The following PLCL1 variants were observed in gnomAD, a reference collection of about 807,000 sequenced individuals.
The protein encoded by PLCL1 is phospholipase C like 1 (inactive), also known as inactive phospholipase C-like protein 1.
PLCL1 carries 41 observed loss-of-function variants against 84.4 expected under a neutral mutation model. The ratio of observed to expected loss-of-function variants is 0.49; its 90% CI spans 0.38 to 0.63. The LOEUF is 0.63. Ranked by LOEUF, PLCL1 falls within the 30% of genes least tolerant of loss-of-function variation. The pLI is 0.00. For missense variants in PLCL1, 1,206 were observed against 1,367.8 expected (o/e 0.88, Z 1.87); for synonymous variants, 490 against 488.3 (o/e 1.00, Z -0.05).
chr2:197,870,262 T>A (rs148434924), intron 1 of PLCL1, among the ~76,000 whole-genome samples: 97 of 152,306 alleles, frequency 6.4e-4, no homozygotes, highest in African/African-American at 2.2e-3. Context: ...TGATCTGGTC[T>A]CCTACTACCT....
rs151034466 is a variant in PLCL1 at position 197,991,142 on chromosome 2, T to C, written c.241-92616T>C. On this transcript the variant is annotated intron_variant, in intron 1 of 5. Transcript: ENST00000428675. The stretch of plus-strand genomic sequence containing the variant: ...GTGAAGTCGGGCATCATCCAATCCA[T>C]TGAGGGCCTGAATAGAACAAAAACA... Among the ~76,000 whole-genome samples the C allele has an allele frequency of 1.5e-4, 23 of 152,252 alleles. 1 individual carries two copies. The Middle Eastern group carries it at 0.01, about 68-fold the overall frequency.
At chr2:198,000,190 A>T (rs1363709458) in intron 1 of PLCL1, among the ~76,000 whole-genome samples, 2 of 152,142 alleles carry the variant, frequency 1.3e-5, no homozygotes, top group African/African-American at 2.4e-5. Flanking sequence ...AGTTTTGGCC[A>T]AGTTTCGTAC....
intron 1 of PLCL1, among the ~76,000 whole-genome samples, chr2:197,892,947 A>G (rs952058305): frequency 3.0e-4 from 45 of 152,206 alleles, no homozygotes; most frequent in African/African-American, 1.1e-3. Context: ...GTGAGCTGAG[A>G]TCGCGCCACT....
At chr2:198,092,406 T>G (rs1299592586) in intron 3 of PLCL1, among the ~76,000 whole-genome samples, 5 of 152,206 alleles carry the variant, frequency 3.3e-5, no homozygotes, top group African/African-American at 1.2e-4. Flanking sequence ...TTCCGTACAT[T>G]TATACAATAT....
intron 1 of PLCL1, among the ~76,000 whole-genome samples, chr2:197,853,925 A>G (rs1687286364): frequency 1.3e-5 from 2 of 152,164 alleles, no homozygotes; most frequent in Admixed American, 1.3e-4. Flanking sequence ...GGTAGCAGAC[A>G]CTTATAGGAT....
chr2:198,094,632 C>A (rs993874915), intron 3 of PLCL1, among the ~76,000 whole-genome samples: 7 of 152,122 alleles, frequency 4.6e-5, no homozygotes, highest in African/African-American at 1.7e-4. Context: ...GCAGCAACAT[C>A]CCTGTGAGTA....
At chr2:198,135,775 A>T (rs1435124491) in intron 5 of PLCL1, among the ~76,000 whole-genome samples, 1 of 152,202 alleles carries the variant, frequency 6.6e-6, no homozygotes. Flanking sequence ...CACAAAAGAT[A>T]ATGTTTGGCA....
rs1324426184 is a variant in PLCL1 at position 198,035,478 on chromosome 2, T to TTTGA, written c.241-48277_241-48276insATTG. On this transcript the variant is annotated intron_variant, in intron 1 of 5. Coordinates refer to ENST00000428675, the MANE Select transcript of PLCL1 (RefSeq NM_006226.4). ...CCTGGAACAGGTGTTGTTTTTTGTTTTTGTTTGTTTGTTTGTTTTTGGTTT... is the reference window on the plus strand; with the variant it reads ...CCTGGAACAGGTGTTGTTTTTTGTTTTTGATTGTTTGTTTGTTTGTTTTTGGTTT... Among the ~76,000 whole-genome samples the TTTGA allele has an allele frequency of 3.3e-5, 5 of 152,248 alleles. 1 individual carries two copies. The South Asian group carries it at 1.0e-3, about 32-fold the overall frequency.
intron 1 of PLCL1, among the ~76,000 whole-genome samples, chr2:197,844,968 G>A (rs1462706106): frequency 6.6e-6 from 1 of 152,070 alleles, no homozygotes; most frequent in Non-Finnish European, 1.5e-5. Context: ...TTGGAGGACA[G>A]ACTTCAACAT....
At chr2:198,123,875 C>T (rs1693927479) in intron 5 of PLCL1, among the ~76,000 whole-genome samples, 1 of 152,030 alleles carries the variant, frequency 6.6e-6, no homozygotes, top group Admixed American at 6.6e-5. Context: ...ACAGTTTCAT[C>T]CTGAAACTAT....
intron 3 of PLCL1, among the ~76,000 whole-genome samples, chr2:198,092,018 T>G (rs1254742544): frequency 1.4e-5 from 2 of 144,644 alleles, no homozygotes; most frequent in Non-Finnish European, 3.0e-5. Flanking sequence ...CCCTGCCTCT[T>G]TAGTTTTACC....
At chr2:197,959,483 A>C (rs113742381) in intron 1 of PLCL1, among the ~76,000 whole-genome samples, 2,174 of 152,164 alleles carry the variant, frequency 0.014, 52 homozygotes, top group African/African-American at 0.05. Context: ...AAAATTATTC[A>C]TCATTTGACT....
At chr2:198,047,247 G>A (rs1411187950) in intron 1 of PLCL1, among the ~76,000 whole-genome samples, 3 of 151,828 alleles carry the variant, frequency 2.0e-5, no homozygotes, top group Non-Finnish European at 4.4e-5. Context: ...TCAGTGGCAC[G>A]ATCTCGGCTC....
At chr2:197,964,503 G>A (rs1025815941) in intron 1 of PLCL1, among the ~76,000 whole-genome samples, 4 of 152,016 alleles carry the variant, frequency 2.6e-5, no homozygotes, top group Non-Finnish European at 4.4e-5. Flanking sequence ...TTTTGATGGA[G>A]TCTTCAGGTT....
chr2:197,913,654 A>G (rs1205098084), intron 1 of PLCL1, among the ~76,000 whole-genome samples: 1 of 152,220 alleles, frequency 6.6e-6, no homozygotes, highest in Middle Eastern at 3.2e-3. Flanking sequence ...AACTTGAGGA[A>G]GTCTCAAATG....
rs559203808 is a variant in PLCL1, at chr2:198,117,890, T to G, written c.3105+13954T>G. Among the ~76,000 whole-genome samples the G allele has an allele frequency of 4.2e-4, 64 of 152,038 alleles. 1 individual carries two copies. The highest frequency in any genetic ancestry group is 6.8e-3 in the Middle Eastern group (2 of 294). The stretch of plus-strand genomic sequence containing the variant: ...GAAAAAGCCAGCAACTTCCTTCCTG[T>G]TCTCCTTTATCAATAGTACATTTTA... On this transcript the variant is annotated intron_variant, in intron 5 of 5. Transcript: ENST00000428675.
chr2:198,058,322 C>A (rs956962066), intron 1 of PLCL1, among the ~76,000 whole-genome samples: 1 of 151,986 alleles, frequency 6.6e-6, no homozygotes, highest in Non-Finnish European at 1.5e-5. Flanking sequence ...AAAACAGTAC[C>A]TTTAATCAAA....
chr2:198,035,562 C>A (rs1258828186), intron 1 of PLCL1, among the ~76,000 whole-genome samples: 1 of 152,132 alleles, frequency 6.6e-6, no homozygotes, highest in Non-Finnish European at 1.5e-5. Context: ...CAAAAGGACA[C>A]ACGAGCCAGC....
intron 5 of PLCL1, 146 bp downstream of exon 5, chr2:198,104,082 T>A (rs1319861631): frequency 2.1e-6 from 1 of 477,236 alleles, no homozygotes; most frequent in African/African-American, 2.0e-5. Flanking sequence ...GCAGGTTTGT[T>A]ATATAGGTAA....
Sources: allele counts gnomAD v4.1 joint callset (sites outside exome capture counted in the v4.1 genomes callset), GRCh38; gene constraint gnomAD v4.1.1; transcripts MANE v1.5; gene names NCBI Gene and HGNC (gene_info 2026-07-23, HGNC 2026-07-21).